Variants in SHISA6 observed in about 807,000 individuals in gnomAD.
The protein encoded by SHISA6 is shisa family member 6.
SHISA6 carries 22 observed loss-of-function variants against 47.9 expected under a neutral mutation model. That is an observed-to-expected ratio of 0.46 (90% CI 0.33 to 0.66). The LOEUF (loss-of-function observed/expected upper bound fraction) is 0.66, where lower values mean the gene tolerates loss of function less well. SHISA6 is among the 30% of genes least tolerant of loss of function. The probability of loss-of-function intolerance (pLI) is 0.02; values close to 1 mark genes in which losing one functional copy is unlikely to be tolerated. For synonymous variants in SHISA6, 388 were observed against 337.8 expected (o/e 1.15, Z -1.63); for missense variants, 680 against 764.6 (o/e 0.89, Z 1.30).
chr17:11,294,435 G>A (rs1398505512), intron 2 of SHISA6, among the ~76,000 whole-genome samples: 2 of 152,186 alleles, frequency 1.3e-5, no homozygotes, highest in African/African-American at 2.4e-5. Flanking sequence ...GGCAGGATAA[G>A]GGGCAGGGAG....
At chr17:11,406,929 CA>C (rs1215177281) in intron 3 of SHISA6, among the ~76,000 whole-genome samples, 1 of 152,240 alleles carries the variant, frequency 6.6e-6, no homozygotes, top group East Asian at 1.9e-4. Flanking sequence ...TGGTTCTAAT[CA>C]AAGTCATTAG....
chr17:11,391,954 T>C (rs1382669107), intron 3 of SHISA6, among the ~76,000 whole-genome samples: 1 of 152,156 alleles, frequency 6.6e-6, no homozygotes, highest in East Asian at 1.9e-4. Flanking sequence ...TTACCAGTAA[T>C]AAGACCCTCC....
rs534928858 is a variant in SHISA6 at position 11,416,652 on chromosome 17, G to A, written c.895+37143G>A. ...AAAATAAATAAAACATAATTTATGC[G>A]TTGGCTTTTAAACACCAAAGAATAT... is the stretch of plus-strand genomic sequence containing the variant. On this transcript the variant is annotated intron_variant, in intron 3 of 5. Transcript: ENST00000441885. Among the ~76,000 whole-genome samples the A allele has an allele frequency of 1.4e-3, 210 of 152,186 alleles. 1 individual carries two copies. Among genetic ancestry groups the A allele is most frequent in the African/African-American group, 4.7e-3 (194 of 41,512 alleles).
intron 3 of SHISA6, among the ~76,000 whole-genome samples, chr17:11,422,887 A>G (rs205046): frequency 0.69 from 104,614 of 151,742 alleles, 36,310 homozygotes; most frequent in African/African-American, 0.74. Flanking sequence ...GCTGGGTTAG[A>G]TACACCAAGA....
At chr17:11,447,988 AGAGACGAGCTG>A (rs1199768699) in intron 3 of SHISA6, among the ~76,000 whole-genome samples, 1 of 152,174 alleles carries the variant, frequency 6.6e-6, no homozygotes, top group Non-Finnish European at 1.5e-5. Context: ...TCCACTTTGT[AGAGACGAGCTG>A]GACTCTCTGA....
chr17:11,433,454 T>C (rs1346398609), intron 3 of SHISA6, among the ~76,000 whole-genome samples: 1 of 152,220 alleles, frequency 6.6e-6, no homozygotes, highest in Non-Finnish European at 1.5e-5. Flanking sequence ...GGTGTATTTG[T>C]GCCACATTTT....
intron 3 of SHISA6, among the ~76,000 whole-genome samples, chr17:11,514,139 G>A (rs552595363): frequency 6.6e-5 from 10 of 152,248 alleles, no homozygotes; most frequent in South Asian, 6.2e-4. Context: ...TCTCCTCTTC[G>A]TGGACGGCCC....
chr17:11,491,917 A>G (rs994463587), intron 3 of SHISA6, among the ~76,000 whole-genome samples: 2 of 151,994 alleles, frequency 1.3e-5, no homozygotes, highest in East Asian at 3.9e-4. Context: ...GATTACAGGC[A>G]TGCACCACCA....
At chr17:11,508,951 G>A (rs2071521751) in intron 3 of SHISA6, among the ~76,000 whole-genome samples, 1 of 88,646 alleles carries the variant, frequency 1.1e-5, no homozygotes, top group African/African-American at 4.3e-5. Flanking sequence ...TTGAGACAGG[G>A]GGTCAGAGAA....
At chr17:11,526,936 T>TAA (rs2071692024) in intron 3 of SHISA6, among the ~76,000 whole-genome samples, 1 of 60,930 alleles carries the variant, frequency 1.6e-5, no homozygotes, top group African/African-American at 6.8e-5. Flanking sequence ...TATATATATA[T>TAA]TATAATGATC....
chr17:11,284,859 C>T (rs1315452802), intron 2 of SHISA6, among the ~76,000 whole-genome samples: 1 of 152,164 alleles, frequency 6.6e-6, no homozygotes, highest in Non-Finnish European at 1.5e-5. Flanking sequence ...TATGTTCAAC[C>T]CAGATCCTCC....
intron 2 of SHISA6, among the ~76,000 whole-genome samples, chr17:11,283,805 C>T (rs1264215889): frequency 6.6e-6 from 1 of 152,140 alleles, no homozygotes; most frequent in Non-Finnish European, 1.5e-5. Context: ...AATTCCAGTT[C>T]TGTTCTGTGC....
chr17:11,382,909 C>T (rs116958543), intron 3 of SHISA6, among the ~76,000 whole-genome samples: 8 of 144,540 alleles, frequency 5.5e-5, no homozygotes, highest in African/African-American at 1.8e-4. Flanking sequence ...GAATCTTAGT[C>T]GACATCAGTC....
At chr17:11,518,482 C>A (rs1350263197) in intron 3 of SHISA6, among the ~76,000 whole-genome samples, 1 of 152,172 alleles carries the variant, frequency 6.6e-6, no homozygotes. Context: ...CACATACACA[C>A]ATACACACAC....
At chr17:11,517,127 A>G (rs1364971905) in intron 3 of SHISA6, among the ~76,000 whole-genome samples, 1 of 152,196 alleles carries the variant, frequency 6.6e-6, no homozygotes, top group African/African-American at 2.4e-5. Context: ...GTCTCAGTCA[A>G]TTTAGAAGTT....
intron 3 of SHISA6, among the ~76,000 whole-genome samples, chr17:11,465,112 G>C (rs1040689101): frequency 6.6e-5 from 10 of 152,106 alleles, no homozygotes; most frequent in African/African-American, 1.9e-4. Flanking sequence ...TCAACTGACT[G>C]TCCCAGCTTT....
chr17:11,352,930 C>G (rs1215007341), intron 2 of SHISA6, among the ~76,000 whole-genome samples: 2 of 152,194 alleles, frequency 1.3e-5, no homozygotes, highest in Non-Finnish European at 2.9e-5. Context: ...GTGGACAGTT[C>G]TTAATCACTT....
At chr17:11,246,729 G>A (rs79836900) in intron 1 of SHISA6, among the ~76,000 whole-genome samples, 2 of 152,258 alleles carry the variant, frequency 1.3e-5, no homozygotes, top group African/African-American at 2.4e-5. Context: ...GCAGACACAC[G>A]CAGACATTCA....
At chr17:11,544,210 T>C (rs945928467) in intron 3 of SHISA6, among the ~76,000 whole-genome samples, 1 of 151,860 alleles carries the variant, frequency 6.6e-6, no homozygotes, top group Non-Finnish European at 1.5e-5. Context: ...AATTTAAAAA[T>C]TGATAAATCA....
Sources: gnomAD v4.1 joint callset for allele counts (sites outside exome capture counted in the v4.1 genomes callset) on GRCh38, gnomAD v4.1.1 for gene constraint, MANE v1.5 for transcripts, NCBI Gene and HGNC (gene_info 2026-07-23, HGNC 2026-07-21) for gene names.